The following ERBB2 variants were observed in gnomAD, a reference collection of about 807,000 sequenced individuals.
The protein encoded by ERBB2 is erb-b2 receptor tyrosine kinase 2.
In ERBB2, 61 loss-of-function variants were observed where a neutral mutation model predicts 149.0. That is an observed-to-expected ratio of 0.41 (90% confidence interval 0.33 to 0.51). The LOEUF is 0.51. Among genes scored for constraint, ERBB2 ranks in the 20% least tolerant of loss-of-function variants. The pLI is 0.25. For synonymous variants in ERBB2, 633 were observed against 678.8 expected (o/e 0.93, Z 1.05); for missense variants, 1,205 against 1,655.1 (o/e 0.73, Z 4.72).
chr17:39,716,267 A>T (rs2145671966), intron 12 of ERBB2, 34 bp from the exon 13 acceptor site: 1 of 1,535,772 alleles, frequency 6.5e-7, no homozygotes, highest in African/African-American at 1.4e-5. Context: ...GCCTCCCCTA[A>T]AAGTCCCCTG....
chr17:39,721,427 C>T (rs538461021), intron 16 of ERBB2, among the ~76,000 whole-genome samples: 19 of 152,220 alleles, frequency 1.2e-4, no homozygotes, highest in African/African-American at 4.6e-4. Flanking sequence ...GCATGCGCTA[C>T]CACGTCCGGC....
In ERBB2 at chr17:39,715,433, C is replaced by T. The variant is rs754438502; in HGVS notation, c.1223-13C>T. The T allele has an allele frequency of 1.2e-5, 20 of 1,613,952 alleles. No individual in the cohort carries two copies. Among genetic ancestry groups the T allele is most frequent in the Admixed American group, 3.3e-5 (2 of 60,002 alleles). On this transcript the variant is annotated splice_polypyrimidine_tract_variant and intron_variant, in intron 10 of 26. Coordinates refer to ENST00000269571, the MANE Select transcript of ERBB2 (RefSeq NM_004448.4). ...CCTGTCCCCACTCCTTTAATCTCAC[C>T]CTCTGCCTGCAGGTTACCTATACAT...
At position 39,711,603 on chromosome 17, in the gene ERBB2, A is replaced by C. The variant is rs960164759; in HGVS notation, c.902-325A>C. Among the ~76,000 whole-genome samples, 9 of 152,208 alleles carry C rather than the reference A, an allele frequency of 5.9e-5. 1 individual carries two copies. On this transcript the variant is annotated intron_variant, in intron 7 of 26. Transcript: ENST00000269571. ...CACAGGAACAGGAGTGGGCCTTCAG[A>C]TCCTGGCTGACTGTGTTAGGGAGAG...
Position 39,716,622 on chromosome 17 carries a change from C to T in ERBB2, c.1737+17C>T, listed in dbSNP as rs1438651153. On this transcript the variant is annotated intron_variant, in intron 14 of 26. Transcript: ENST00000269571. Reference sequence around the variant, plus strand: ...TTTGGACCGGTGAGCTGCTGGCGGGCTCAGAGCTGGGTGGAGGGGGGCAGC... The same window carrying T: ...TTTGGACCGGTGAGCTGCTGGCGGGTTCAGAGCTGGGTGGAGGGGGGCAGC... 6.2e-7 allele frequency: 1 copy of T among 1,611,830 alleles called. No individual in the cohort carries two copies. Among genetic ancestry groups the T allele is most frequent in the Admixed American group, 1.7e-5 (1 of 59,930 alleles).
chr17:39,712,536 G>T, intron 9 of ERBB2, 88 bp downstream of exon 9: 1 of 1,483,056 alleles, frequency 6.7e-7, no homozygotes, highest in South Asian at 1.2e-5. Context: ...GGGGATGGCA[G>T]GAGACAGAAG....
intron 2 of ERBB2, 50 bp downstream of exon 2, chr17:39,707,191 C>A (rs763250146): frequency 1.4e-6 from 2 of 1,473,382 alleles, no homozygotes; most frequent in South Asian, 1.4e-5. Context: ...CTGGGCTGAG[C>A]CCTCTGTTTA....
At chr17:39,700,995 T>C (rs1462312401) in intron 1 of ERBB2, among the ~76,000 whole-genome samples, 1 of 64,372 alleles carries the variant, frequency 1.6e-5, no homozygotes, top group Non-Finnish European at 2.9e-5. Flanking sequence ...CTGTGACTTT[T>C]GGAGCGCGTG....
chr17:39,714,057 CAAAAAAAA>C (rs34185413), intron 9 of ERBB2, among the ~76,000 whole-genome samples: 1 of 94,772 alleles, frequency 1.1e-5, no homozygotes, highest in African/African-American at 4.7e-5. Flanking sequence ...GACCCTGTCT[CAAAAAAAA>C]AAAAAAAAAA....
At chr17:39,721,534 A>G (rs2059454348) in intron 16 of ERBB2, among the ~76,000 whole-genome samples, 1 of 152,188 alleles carries the variant, frequency 6.6e-6, no homozygotes, top group Non-Finnish European at 1.5e-5. Context: ...TCGGCCTCCC[A>G]AAGTGCTGGG....
Position 39,725,307 on chromosome 17 carries a change from T to C in ERBB2, c.2650-20T>C, listed in dbSNP as rs1418635136. 6.2e-6 allele frequency: 10 copies of C among 1,613,646 alleles called. No homozygotes were observed. In the South Asian group the frequency reaches 7.7e-5, roughly 12 times the overall value. On this transcript the variant is annotated intron_variant, in intron 21 of 26. Coordinates refer to ENST00000269571, the MANE Select transcript of ERBB2 (RefSeq NM_004448.4). This position sits in a 1 kb window ranked among gnomAD's most constrained non-coding sequence, Gnocchi z 4.6. Reference sequence around the variant, plus strand: ...TCCCCACAACACACAGTTGGAGGACTTCCTCTTCTGCCCTCCCAGGTGCCC... The same window carrying C: ...TCCCCACAACACACAGTTGGAGGACCTCCTCTTCTGCCCTCCCAGGTGCCC...
chr17:39,721,261 CTTTTTTTTT>C (rs33957748), intron 16 of ERBB2, among the ~76,000 whole-genome samples: 1 of 82,962 alleles, frequency 1.2e-5, no homozygotes, highest in Non-Finnish European at 2.5e-5. Flanking sequence ...TGAGCCAAGT[CTTTTTTTTT>C]TTTTTTTTTT....
intron 12 of ERBB2, 169 bp from the exon 13 acceptor site, chr17:39,716,132 C>T (rs1399584595): frequency 2.1e-6 from 2 of 962,670 alleles, no homozygotes; most frequent in East Asian, 2.6e-5. Context: ...CCTTGGCATC[C>T]TTCCCTCCCC....
At chr17:39,719,461 T>A (rs2059331631) in intron 15 of ERBB2, among the ~76,000 whole-genome samples, 1 of 152,228 alleles carries the variant, frequency 6.6e-6, no homozygotes, top group Non-Finnish European at 1.5e-5. Context: ...CAAACCGTTC[T>A]CTGGAGAAGT....
upstream of ERBB2, among the ~76,000 whole-genome samples, chr17:39,689,999 A>G (rs1387927651): frequency 6.6e-6 from 1 of 152,194 alleles, no homozygotes; most frequent in Admixed American, 6.5e-5. Flanking sequence ...CACATTAAAT[A>G]AGATTTATAA....
intron 1 of ERBB2, among the ~76,000 whole-genome samples, chr17:39,704,099 C>T (rs757110025): frequency 1.3e-5 from 2 of 152,134 alleles, no homozygotes; most frequent in South Asian, 2.1e-4. Context: ...TTCGGAGACT[C>T]GTGACTGGAC....
rs1340911324 is a variant in ERBB2, at chr17:39,723,877, G to C, written c.2209-35G>C. 1 of 1,573,038 alleles carries C rather than the reference G, an allele frequency of 6.4e-7. No individual in the cohort carries two copies. The highest frequency in any genetic ancestry group is 8.7e-7 in the Non-Finnish European group (1 of 1,143,092). On this transcript the variant is annotated intron_variant, in intron 18 of 26. Transcript: ENST00000269571. The surrounding 1 kb of genome is among the most constrained non-coding windows in gnomAD (Gnocchi z 6.2). ...GGAAGGCAGGTAGGATCCAGCCCAC[G>C]CTCTTCTCACTCATATCCTCCTCTT...
intron 9 of ERBB2, among the ~76,000 whole-genome samples, chr17:39,713,677 C>T (rs1368473872): frequency 1.3e-5 from 2 of 150,152 alleles, no homozygotes; most frequent in African/African-American, 2.5e-5. Context: ...TGCATGAACT[C>T]GGGAGGTGGA....
intron 14 of ERBB2, chr17:39,716,897 A>G (rs1008323992): frequency 2.2e-5 from 11 of 493,238 alleles, no homozygotes; most frequent in Non-Finnish European, 3.7e-5. Context: ...CTGGATTCAG[A>G]CCCAGCTCCT....
At chr17:39,720,522 G>A (rs758599374) in intron 16 of ERBB2, among the ~76,000 whole-genome samples, 3 of 152,298 alleles carry the variant, frequency 2.0e-5, no homozygotes, top group Admixed American at 6.5e-5. Flanking sequence ...TCATCGGTCC[G>A]TGAAATGAGC....
Sources: allele counts gnomAD v4.1 joint callset (sites outside exome capture counted in the v4.1 genomes callset), GRCh38; gene constraint gnomAD v4.1.1; non-coding constraint Gnocchi (gnomAD v3.1); transcripts MANE v1.5; gene names NCBI Gene and HGNC (gene_info 2026-07-23, HGNC 2026-07-21).